TASOR2: variants seen among roughly 807,000 people sequenced by gnomAD.
The protein encoded by TASOR2 is transcription activation suppressor family member 2, also known as protein TASOR 2.
In TASOR2, 84 loss-of-function variants were observed where a neutral mutation model predicts 199.5. The observed-to-expected ratio is 0.42, with a 90% CI of 0.35 to 0.50. The LOEUF (loss-of-function observed/expected upper bound fraction) is 0.50, where lower values mean the gene tolerates loss of function less well. TASOR2 is among the 20% of genes least tolerant of loss of function. The pLI is 0.02. For missense variants in TASOR2, 2,796 were observed against 2,835.9 expected, an observed-to-expected ratio of 0.99 and a Z score of 0.32; for synonymous variants, 1,103 against 1,046.6, an observed-to-expected ratio of 1.05 and a Z score of -1.04.
intron 6 of TASOR2, 123 bp from the exon 8 acceptor site, chr10:5,723,554 T>C (rs954705483): frequency 3.8e-6 from 2 of 520,810 alleles, no homozygotes; most frequent in African/African-American, 3.9e-5. Flanking sequence ...ACCTGGAGCT[T>C]ATCAACTTAA....
At chr10:5,708,227 A>G (rs1242892643) in intron 1 of TASOR2, among the ~76,000 whole-genome samples, 1 of 151,756 alleles carries the variant, frequency 6.6e-6, no homozygotes, top group Non-Finnish European at 1.5e-5. Context: ...GTCATATTAA[A>G]CTATTTGCAG....
chr10:5,742,314 G>C lies in TASOR2; in HGVS notation c.2545G>C (p.Ala849Pro). Residue 849 changes from alanine to proline, a missense_variant, in exon 14 of 21, where the codon GCA (alanine) becomes CCA (proline). By Grantham distance (27) the Ala-to-Pro change is conservative (BLOSUM62 -1). Around this residue, in one of 3 missense-constraint regions of TASOR2, gnomAD observed 1,941 missense variants for 1,924.9 expected, o/e 1.01. Coordinates refer to ENST00000328090, the Ensembl canonical transcript of TASOR2. This position sits in a 1 kb window ranked among gnomAD's most constrained non-coding sequence, Gnocchi z 4.2. ...GTCCCTTGGTTTGGAAAAATGTTCT[G>C]CAGACTCTCTGTTGGAGACTAACGA... 1 of 1,614,134 alleles carries C rather than the reference G, an allele frequency of 6.2e-7. No individual in the cohort carries two copies. The highest frequency in any genetic ancestry group is 2.2e-5 in the East Asian group (1 of 44,870).
intron 1 of TASOR2, among the ~76,000 whole-genome samples, chr10:5,703,038 C>CT (rs1314791529): frequency 6.6e-6 from 1 of 152,192 alleles, no homozygotes; most frequent in Non-Finnish European, 1.5e-5. Context: ...AGACTATGTA[C>CT]TGGCTGGTAG....
At chr10:5,723,042 A>AT (rs1833577356) in intron 6 of TASOR2, among the ~76,000 whole-genome samples, 1 of 100,052 alleles carries the variant, frequency 1.0e-5, no homozygotes, top group Admixed American at 1.3e-4. Flanking sequence ...TCAGGAAATA[A>AT]CTTTTTTTTT....
At chr10:5,745,884 T>TA (rs1216503632) in intron 14 of TASOR2, among the ~76,000 whole-genome samples, 1 of 152,236 alleles carries the variant, frequency 6.6e-6, no homozygotes, top group Admixed American at 6.5e-5. Context: ...AGGCTGCATT[T>TA]AAAGTCTTTT....
chr10:5,757,094 TTGC>T (rs1258173840), intron 16 of TASOR2, among the ~76,000 whole-genome samples: 1 of 152,204 alleles, frequency 6.6e-6, no homozygotes, highest in Non-Finnish European at 1.5e-5. Context: ...ATCAAAGTAA[TTGC>T]TTGTCTCAAG....
intron 17 of TASOR2, among the ~76,000 whole-genome samples, chr10:5,758,181 C>T (rs1213413330): frequency 6.6e-6 from 1 of 152,198 alleles, no homozygotes; most frequent in Non-Finnish European, 1.5e-5. Context: ...GCTCTGATCA[C>T]ATTGGAAGTG....
In TASOR2 at chr10:5,710,412, T is replaced by G. The variant is rs1831764771; in HGVS notation, c.-287-2411T>G. The stretch of plus-strand genomic sequence containing the variant: ...GCATTTTTAACCATAAATAAATAGT[T>G]CTGGAAATAAAAATATATATAAGCA... On this transcript the variant is annotated intron_variant, in intron 1 of 20. Transcript: ENST00000328090. This position sits in a 1 kb window ranked among gnomAD's most constrained non-coding sequence, Gnocchi z 4.6. Among the ~76,000 whole-genome samples the G allele has an allele frequency of 3.9e-5, 6 of 152,144 alleles. No homozygotes were observed. The highest frequency in any genetic ancestry group is 3.3e-4 in the Admixed American group (5 of 15,284).
chr10:5,703,297 A>C (rs183514288), intron 1 of TASOR2, among the ~76,000 whole-genome samples: 1 of 152,056 alleles, frequency 6.6e-6, no homozygotes, highest in Non-Finnish European at 1.5e-5. Flanking sequence ...CAGGTAATCT[A>C]TTTACTATGA....
exon 15 of TASOR2, chr10:5,747,489 TAAG>T (rs767114101): frequency 1.0e-4 from 168 of 1,613,836 alleles, no homozygotes; most frequent in Non-Finnish European, 1.3e-4. Context: ...CAGTAGAAAA[TAAG>T]GAGAGAAAGG....
rs1472865015 is a variant in TASOR2, at chr10:5,689,761, A to G, written c.-288+4586A>G. Among the ~76,000 whole-genome samples the G allele has an allele frequency of 6.6e-6, 1 of 152,228 alleles. No individual in the cohort carries two copies. The highest frequency in any genetic ancestry group is 2.4e-5 in the African/African-American group (1 of 41,460). The stretch of plus-strand genomic sequence containing the variant: ...ATAAATAATTTTTTAAATTATCTAC[A>G]TAGTAAATATTCTCTTCTGGTCTTT... On this transcript the variant is annotated intron_variant, in intron 1 of 20. Transcript: ENST00000328090. This position sits in a 1 kb window ranked among gnomAD's most constrained non-coding sequence, Gnocchi z 4.1.
intron 18 of TASOR2, among the ~76,000 whole-genome samples, chr10:5,759,661 G>A (rs1473295036): frequency 6.6e-6 from 1 of 152,234 alleles, no homozygotes; most frequent in Non-Finnish European, 1.5e-5. Flanking sequence ...CTGAAGCAGA[G>A]TAGATAACAA....
Position 5,742,570 on chromosome 10 carries a change from A to C in TASOR2, c.2757+44A>C. Reference sequence around the variant, plus strand: ...CGTTAAATGTTGGCATTATTTTTGAAGAAAAAAATGTTTATATGTAAAATC... The same window carrying C: ...CGTTAAATGTTGGCATTATTTTTGACGAAAAAAATGTTTATATGTAAAATC... On this transcript the variant is annotated intron_variant, in intron 14 of 20. Transcript: ENST00000328090. The surrounding 1 kb of genome is among the most constrained non-coding windows in gnomAD (Gnocchi z 4.2). The C allele has an allele frequency of 6.5e-7, 1 of 1,536,042 alleles. No homozygotes were observed. Among genetic ancestry groups the C allele is most frequent in the South Asian group, 1.2e-5 (1 of 82,494 alleles).
chr10:5,755,979 G>A (rs1159315290), intron 15 of TASOR2, among the ~76,000 whole-genome samples: 1 of 151,556 alleles, frequency 6.6e-6, no homozygotes. Flanking sequence ...GTGACAGAGT[G>A]AGACCATGTC....
rs569272068 is a variant in TASOR2 at position 5,689,877 on chromosome 10, G to T, written c.-288+4702G>T. Among the ~76,000 whole-genome samples, 43 of 152,240 alleles carry T rather than the reference G, an allele frequency of 2.8e-4. No individual in the cohort carries two copies. Among genetic ancestry groups the T allele is most frequent in the African/African-American group, 9.6e-4 (40 of 41,550 alleles). Reference sequence around the variant, plus strand: ...TTTGATAATTTTTGATAAGTTAAAAGTAAAACAGGAAATCTCTGGAACTAG... The same window carrying T: ...TTTGATAATTTTTGATAAGTTAAAATTAAAACAGGAAATCTCTGGAACTAG... On this transcript the variant is annotated intron_variant, in intron 1 of 20. Coordinates refer to ENST00000328090, the Ensembl canonical transcript of TASOR2. This position sits in a 1 kb window ranked among gnomAD's most constrained non-coding sequence, Gnocchi z 4.1.
intron 1 of TASOR2, among the ~76,000 whole-genome samples, chr10:5,693,732 T>G (rs1302298490): frequency 2.6e-5 from 4 of 152,226 alleles, no homozygotes. Flanking sequence ...TCACCCAGAT[T>G]ATGTTTATTT....
Position 5,723,722 on chromosome 10 carries a change from G to GA in TASOR2, c.199dup (p.Arg67LysfsTer28), listed in dbSNP as rs1317158125. On this transcript the variant is annotated frameshift_variant, in exon 7 of 21. Transcript: ENST00000328090. LOFTEE classifies it high-confidence loss of function. The stretch of plus-strand genomic sequence containing the variant: ...AATATGTAATGAAAGTGTCTTCCTT[G>GA]AAAAAAAGACTACCAGAGGCTGCCT... The GA allele has an allele frequency of 2.5e-6, 4 of 1,602,632 alleles. No homozygotes were observed. The highest frequency in any genetic ancestry group is 2.2e-5 in the South Asian group (2 of 89,358).
chr10:5,735,395 A>C (rs1428291975), exon 12 of TASOR2: 2 of 1,614,204 alleles, frequency 1.2e-6, no homozygotes, highest in East Asian at 4.5e-5. Context: ...TTCCAGTGCC[A>C]ACAAATGCTA....
At chr10:5,704,330 T>C (rs146196136) in intron 1 of TASOR2, among the ~76,000 whole-genome samples, 18 of 152,314 alleles carry the variant, frequency 1.2e-4, no homozygotes, top group Admixed American at 2.6e-4. Context: ...ACCACTTATT[T>C]AATAGTTGTA....
Sources: allele counts gnomAD v4.1 joint callset (sites outside exome capture counted in the v4.1 genomes callset), GRCh38; gene constraint gnomAD v4.1.1; regional missense constraint gnomAD v4.1.1; non-coding constraint Gnocchi (gnomAD v3.1); transcripts MANE v1.5; gene names NCBI Gene and HGNC (gene_info 2026-07-23, HGNC 2026-07-21).